Variants in TNS3 observed in about 807,000 individuals in gnomAD.
TNS3 encodes the protein tensin-3.
TNS3 carries 45 observed loss-of-function variants against 140.9 expected under a neutral mutation model. The observed-to-expected ratio is 0.32, with a 90% CI of 0.25 to 0.41. The LOEUF (loss-of-function observed/expected upper bound fraction) is 0.41. TNS3 is among the 10% of genes least tolerant of loss of function. The pLI is 1.00. For missense variants in TNS3, 1,716 were observed against 1,906.7 expected, an observed-to-expected ratio of 0.90 and a Z score of 1.86; for synonymous variants, 815 against 788.4, an observed-to-expected ratio of 1.03 and a Z score of -0.56.
intron 1 of TNS3, among the ~76,000 whole-genome samples, chr7:47,570,190 G>T (rs987252700): frequency 4.6e-5 from 7 of 152,298 alleles, no homozygotes; most frequent in African/African-American, 1.4e-4. Context: ...TTACACAAGG[G>T]ATTACACAGT....
chr7:47,368,558 G>A lies in TNS3; in HGVS notation c.2088C>T (p.Asp696=), dbSNP rs1790846094. 6.4e-7 allele frequency: 1 copy of A among 1,573,120 alleles called. No individual in the cohort carries two copies. ...GCCTGTTGAGCTGCTCGATGGACTGGTCGATGTCCAGGGTGGGCGAGCCTG... is the reference window on the plus strand; with the variant it reads ...GCCTGTTGAGCTGCTCGATGGACTGATCGATGTCCAGGGTGGGCGAGCCTG... ...PSPGSPTLDI[D]QSIEQLNRLI... is the part of the protein sequence containing the mutation. Residue 696 remains aspartate (D), a synonymous_variant, in exon 17 of 31, where the codon GAC becomes GAT. Coordinates refer to ENST00000311160, the MANE Select transcript of TNS3 (RefSeq NM_022748.12).
In TNS3 at chr7:47,464,000, C is replaced by T. The variant is rs1179712539; in HGVS notation, c.-76+17103G>A. 2.0e-5 allele frequency among the ~76,000 whole-genome samples: 3 copies of T among 152,152 alleles called. No individual in the cohort carries two copies. In the East Asian group the frequency reaches 5.8e-4, roughly 29 times the overall value. On this transcript the variant is annotated intron_variant, in intron 4 of 30. Coordinates refer to ENST00000311160, the MANE Select transcript of TNS3 (RefSeq NM_022748.12). ...GTTACTCTAACATTATTAAAAGGGC[C>T]GTAATCACAGCCTAGTCCACCCGTA...
rs547238116 is a variant in TNS3 at position 47,343,017 on chromosome 7, C to T, written c.2650+1738G>A. Among the ~76,000 whole-genome samples the T allele has an allele frequency of 2.0e-5, 3 of 152,342 alleles. No homozygotes were observed. The South Asian group carries it at 6.2e-4, about 32-fold the overall frequency. On this transcript the variant is annotated intron_variant, in intron 20 of 30. Coordinates refer to ENST00000311160, the MANE Select transcript of TNS3 (RefSeq NM_022748.12). ...TGCTGAAATAAAAATCTAGAAGGCT[C>T]ACATTAATATTGTTATCATGTCACC... is the stretch of plus-strand genomic sequence containing the variant.
intron 23 of TNS3, among the ~76,000 whole-genome samples, chr7:47,298,049 G>A (rs536125085): frequency 3.3e-5 from 5 of 152,298 alleles, no homozygotes; most frequent in Non-Finnish European, 5.9e-5. Context: ...GCCTCCCAAA[G>A]TGCTGGGATT....
chr7:47,469,134 T>A (rs1466849493), intron 4 of TNS3, among the ~76,000 whole-genome samples: 1 of 152,160 alleles, frequency 6.6e-6, no homozygotes, highest in Admixed American at 6.5e-5. Context: ...ACTATAAAAA[T>A]CCTGAAGAAA....
intron 1 of TNS3, chr7:47,580,005 TA>T (rs35983071): frequency 0.3 from 47,500 of 158,468 alleles, 7,988 homozygotes; most frequent in East Asian, 0.53. Flanking sequence ...GACACTTTGT[TA>T]AAAAAAAAAA....
chr7:47,490,257 C>T lies in TNS3; in HGVS notation c.-114-9116G>A, dbSNP rs192920768. ...CATCTGATCAGCCTATAATTCTCAC[C>T]GGCCACCTATAATTAATAATAAAGT... is the stretch of plus-strand genomic sequence containing the variant. On this transcript the variant is annotated intron_variant, in intron 3 of 30. Coordinates refer to ENST00000311160, the MANE Select transcript of TNS3 (RefSeq NM_022748.12). Among the ~76,000 whole-genome samples the T allele has an allele frequency of 1.6e-3, 240 of 152,304 alleles. 2 individuals carry two copies. The highest frequency in any genetic ancestry group is 4.6e-4 in the Non-Finnish European group (31 of 68,030).
chr7:47,511,775 C>G (rs11973266), intron 2 of TNS3, among the ~76,000 whole-genome samples: 38,658 of 152,114 alleles, frequency 0.25, 5,303 homozygotes, highest in South Asian at 0.43. Context: ...GGAACCTCCC[C>G]CTCTGAGCAC....
In TNS3 at chr7:47,396,857, T is replaced by C. The variant is rs530111935; in HGVS notation, c.967A>G (p.Thr323Ala). 3.1e-6 allele frequency: 5 copies of C among 1,614,232 alleles called. No individual in the cohort carries two copies. The highest frequency in any genetic ancestry group is 4.2e-6 in the Non-Finnish European group (5 of 1,180,040). Residue 323 changes from threonine to alanine, a missense_variant, in exon 16 of 31, where the codon ACA (threonine) becomes GCA (alanine). This residue lies in a region of TNS3 where 1,163 missense variants were observed against 1,182.1 expected (regional missense o/e 0.98). Coordinates refer to ENST00000311160, the MANE Select transcript of TNS3 (RefSeq NM_022748.12). Reference protein sequence around the residue: ...NDHGVIVDYNTTDPLIRWDSY... With the variant: ...NDHGVIVDYNATDPLIRWDSY... ...TCCCAGCGTATCAGTGGGTCTGTTG[T>C]GTTGTAGTCCACAATCACACCGTGG...
At chr7:47,551,037 A>C (rs1425534510) in intron 1 of TNS3, among the ~76,000 whole-genome samples, 2 of 152,226 alleles carry the variant, frequency 1.3e-5, no homozygotes, top group African/African-American at 4.8e-5. Flanking sequence ...AAGGGCAAGG[A>C]GGGGCTCAGC....
Position 47,277,968 on chromosome 7 carries a change from G to T in TNS3, c.*108C>A. 8.0e-7 allele frequency: 1 copy of T among 1,245,614 alleles called. No individual in the cohort carries two copies. The highest frequency in any genetic ancestry group is 1.2e-6 in the Non-Finnish European group (1 of 857,696). 77.2% of individuals were successfully genotyped at this position (1,245,614 alleles called of 1,614,324 possible). A position where few individuals can be genotyped will look rare whatever the true frequency, so the allele number is the denominator to read the frequency against. ...GATCCTCTTTCCCCTCATGGGCCTG[G>T]AATGTCAGGTTTACTAGTTTGGTAA... On this transcript the variant is annotated 3_prime_UTR_variant, in exon 31 of 31. Transcript: ENST00000311160.
At chr7:47,563,762 C>A (rs1003747229) in intron 1 of TNS3, among the ~76,000 whole-genome samples, 3 of 152,176 alleles carry the variant, frequency 2.0e-5, no homozygotes, top group Non-Finnish European at 4.4e-5. Flanking sequence ...TCCCACTGCC[C>A]CAGACCACAG....
At chr7:47,389,023 A>G (rs1337136288) in intron 16 of TNS3, among the ~76,000 whole-genome samples, 3 of 3,914 alleles carry the variant, frequency 7.7e-4, no homozygotes, top group Admixed American at 5.2e-3. Flanking sequence ...AAGAAGAAGA[A>G]GAAGAAGAAG....
intron 20 of TNS3, among the ~76,000 whole-genome samples, chr7:47,329,806 C>T (rs528802127): frequency 6.6e-6 from 1 of 152,208 alleles, no homozygotes; most frequent in East Asian, 2.0e-4. Context: ...CAGGATGGCA[C>T]TCCCAAGGGT....
intron 3 of TNS3, among the ~76,000 whole-genome samples, chr7:47,484,304 T>A (rs1232038497): frequency 3.9e-5 from 6 of 152,200 alleles, no homozygotes; most frequent in Admixed American, 3.9e-4. Flanking sequence ...AACTCATCAT[T>A]TCTATAAGTA....
intron 1 of TNS3, among the ~76,000 whole-genome samples, chr7:47,536,376 A>G (rs1356716184): frequency 6.6e-6 from 1 of 151,348 alleles, no homozygotes; most frequent in Non-Finnish European, 1.5e-5. Flanking sequence ...GCGGGGAGCC[A>G]ACCAGCACCG....
intron 20 of TNS3, among the ~76,000 whole-genome samples, chr7:47,325,079 G>A (rs1787955708): frequency 6.6e-6 from 1 of 152,008 alleles, no homozygotes; most frequent in African/African-American, 2.4e-5. Flanking sequence ...TGGACCGTGT[G>A]GTTTTGTGTA....
intron 1 of TNS3, among the ~76,000 whole-genome samples, chr7:47,580,736 C>G (rs1784509099): frequency 6.6e-6 from 1 of 152,094 alleles, no homozygotes; most frequent in African/African-American, 2.4e-5. Flanking sequence ...AAGTAAACCT[C>G]ATTCAAAAGG....
intron 16 of TNS3, among the ~76,000 whole-genome samples, chr7:47,380,290 C>T (rs1393756811): frequency 6.6e-6 from 1 of 152,226 alleles, no homozygotes; most frequent in African/African-American, 2.4e-5. Flanking sequence ...TATCTCAGGC[C>T]TCTGACTGGG....
Sources: allele counts gnomAD v4.1 joint callset (sites outside exome capture counted in the v4.1 genomes callset), GRCh38; gene constraint gnomAD v4.1.1; regional missense constraint gnomAD v4.1.1; transcripts MANE v1.5; gene names NCBI Gene and HGNC (gene_info 2026-07-23, HGNC 2026-07-21).